SUPT3H: variants seen among roughly 807,000 people sequenced by gnomAD.
SUPT3H encodes SPT3 homolog, SAGA and STAGA complex component.
Under a neutral mutation model 44.3 loss-of-function variants are expected in SUPT3H, and 44 were observed. The ratio of observed to expected loss-of-function variants is 0.99; its 90% CI spans 0.78 to 1.28. SUPT3H has a LOEUF of 1.28. SUPT3H is among the 50% of genes most tolerant of loss of function. The pLI, the probability that SUPT3H is intolerant of heterozygous loss-of-function variation, is 0.00. For missense variants in SUPT3H, 380 were observed against 387.1 expected, an observed-to-expected ratio of 0.98 and a Z score of 0.15; for synonymous variants, 124 against 125.6, an observed-to-expected ratio of 0.99 and a Z score of 0.09.
At chr6:44,952,263 T>C (rs143706812) in intron 9 of SUPT3H, among the ~76,000 whole-genome samples, 2,987 of 152,296 alleles carry the variant, frequency 0.02, 56 homozygotes, top group South Asian at 0.092. Context: ...CTTGGATCCA[T>C]AGAATGGCTT....
chr6:45,043,182 A>ACAC (rs1562325647), intron 3 of SUPT3H, among the ~76,000 whole-genome samples: 7 of 114,818 alleles, frequency 6.1e-5, no homozygotes, highest in African/African-American at 1.7e-4. Context: ...CACACACACA[A>ACAC]ACACCAAAAC....
chr6:45,259,096 T>C (rs575185559), intron 2 of SUPT3H, among the ~76,000 whole-genome samples: 2 of 152,292 alleles, frequency 1.3e-5, no homozygotes, highest in East Asian at 3.9e-4. Context: ...TTTATACTTG[T>C]AAATTAGTGT....
At chr6:44,858,757 A>G (rs566026727) in intron 10 of SUPT3H, among the ~76,000 whole-genome samples, 4 of 152,320 alleles carry the variant, frequency 2.6e-5, no homozygotes, top group African/African-American at 4.8e-5. Flanking sequence ...ATTTATGCAC[A>G]TAATTATTTT....
chr6:44,820,600 G>A (rs1001585972), intron 11 of SUPT3H, among the ~76,000 whole-genome samples: 15 of 152,200 alleles, frequency 9.9e-5, no homozygotes, highest in African/African-American at 1.4e-4. Context: ...GACTCAACAC[G>A]TATTATGTGT....
intron 2 of SUPT3H, among the ~76,000 whole-genome samples, chr6:45,203,734 G>A (rs1279787061): frequency 6.6e-6 from 1 of 152,098 alleles, no homozygotes; most frequent in African/African-American, 2.4e-5. Flanking sequence ...TTCTGCCCCA[G>A]CCATGAAGGA....
intron 2 of SUPT3H, among the ~76,000 whole-genome samples, chr6:45,122,703 G>T (rs75651003): frequency 1.3e-5 from 2 of 151,932 alleles, no homozygotes; most frequent in African/African-American, 4.8e-5. Context: ...AAAAATTTTG[G>T]GAGTATTGTT....
intron 2 of SUPT3H, among the ~76,000 whole-genome samples, chr6:45,304,592 A>C (rs563998538): frequency 1.3e-5 from 2 of 152,328 alleles, no homozygotes; most frequent in Admixed American, 6.5e-5. Context: ...GTTTCTGTTA[A>C]ATTTTTTTTC....
intron 3 of SUPT3H, among the ~76,000 whole-genome samples, chr6:45,084,476 G>A (rs114069842): frequency 0.018 from 2,665 of 152,074 alleles, 50 homozygotes; most frequent in South Asian, 0.084. Context: ...ACATGTTGGC[G>A]AGGCTGCAAA....
At chr6:45,039,355 C>T (rs1195128298) in intron 3 of SUPT3H, among the ~76,000 whole-genome samples, 2 of 152,030 alleles carry the variant, frequency 1.3e-5, no homozygotes, top group African/African-American at 4.8e-5. Flanking sequence ...GTGTGATAGG[C>T]TTTAAACAAA....
intron 2 of SUPT3H, chr6:45,361,455 AAGAACTCAG>A (rs1184701470): frequency 6.6e-6 from 1 of 152,224 alleles, no homozygotes; most frequent in Non-Finnish European, 1.5e-5. Flanking sequence ...TAAAGTAAGG[AAGAACTCAG>A]AGAACTCAGT....
At chr6:45,068,567 A>G (rs1424166290) in intron 3 of SUPT3H, among the ~76,000 whole-genome samples, 1 of 152,212 alleles carries the variant, frequency 6.6e-6, no homozygotes, top group African/African-American at 2.4e-5. Context: ...AAGTTGATTG[A>G]AAACATAACA....
chr6:45,117,001 A>G (rs967273788), intron 2 of SUPT3H, among the ~76,000 whole-genome samples: 16 of 152,154 alleles, frequency 1.1e-4, no homozygotes, highest in African/African-American at 2.4e-5. Flanking sequence ...CAATGTAAAT[A>G]GCATATCTTT....
At chr6:45,007,379 GC>G (rs1282000377) in intron 5 of SUPT3H, among the ~76,000 whole-genome samples, 4 of 152,004 alleles carry the variant, frequency 2.6e-5, no homozygotes, top group African/African-American at 9.6e-5. Flanking sequence ...TTTCTGAAAT[GC>G]CTATCATATG....
chr6:44,930,380 CAA>C (rs35246989), intron 10 of SUPT3H, among the ~76,000 whole-genome samples: 4 of 139,750 alleles, frequency 2.9e-5, no homozygotes, highest in African/African-American at 5.3e-5. Context: ...GACTCCGTCT[CAA>C]AAAAAAAAAG....
chr6:45,113,884 T>A (rs887717902), intron 2 of SUPT3H, among the ~76,000 whole-genome samples: 1 of 150,398 alleles, frequency 6.6e-6, no homozygotes, highest in Non-Finnish European at 1.5e-5. Flanking sequence ...TTCCTAGCAG[T>A]GATGATTTTT....
At chr6:44,903,056 T>C (rs1765368015) in intron 10 of SUPT3H, among the ~76,000 whole-genome samples, 1 of 151,970 alleles carries the variant, frequency 6.6e-6, no homozygotes, top group Admixed American at 6.6e-5. Context: ...TTTATAGCAC[T>C]AAATGCCCAC....
At chr6:45,341,880 G>A (rs188880627) in intron 2 of SUPT3H, among the ~76,000 whole-genome samples, 40 of 152,208 alleles carry the variant, frequency 2.6e-4, no homozygotes, top group Admixed American at 2.2e-3. Flanking sequence ...TTCATCAGAA[G>A]CCACTAAAAA....
intron 10 of SUPT3H, among the ~76,000 whole-genome samples, chr6:44,877,961 A>G (rs1777575598): frequency 6.6e-6 from 1 of 152,152 alleles, no homozygotes; most frequent in South Asian, 2.1e-4. Context: ...TAAATTCCTT[A>G]GTATGTCTAA....
chr6:45,105,890 G>A lies in SUPT3H; in HGVS notation c.186+32C>T, dbSNP rs894309787. ...CATCCTAATAAAAGAATGCAGAGAA[G>A]AGAAACCAAATCAAATTATATATGC... On this transcript the variant is annotated intron_variant, in intron 3 of 10. Transcript: ENST00000371459. 9 of 1,539,370 alleles carry A rather than the reference G, an allele frequency of 5.8e-6. No individual in the cohort carries two copies. In the Admixed American group the frequency reaches 8.5e-5, roughly 15 times the overall value.
Sources: gnomAD v4.1 joint callset for allele counts (sites outside exome capture counted in the v4.1 genomes callset) on GRCh38, gnomAD v4.1.1 for gene constraint, MANE v1.5 for transcripts, NCBI Gene and HGNC (gene_info 2026-07-23, HGNC 2026-07-21) for gene names.